SAMD4B: variants seen among roughly 807,000 people sequenced by gnomAD.
The protein encoded by SAMD4B is sterile alpha motif domain containing 4B.
In SAMD4B, 5 loss-of-function variants were observed where a neutral mutation model predicts 74.5. The observed-to-expected ratio is 0.07, with a 90% CI of 0.04 to 0.14. The LOEUF is 0.14. Ranked by LOEUF, SAMD4B falls within the 10% of genes least tolerant of loss-of-function variation. The probability of loss-of-function intolerance (pLI) is 1.00; values close to 1 mark genes in which losing one functional copy is unlikely to be tolerated. For missense variants in SAMD4B, 608 were observed against 921.8 expected (o/e 0.66, Z 4.41); for synonymous variants, 373 against 374.9 (o/e 1.00, Z 0.06).
chr19:39,385,856 G>T, downstream of SAMD4B: 1 of 1,326,784 alleles, frequency 7.5e-7, no homozygotes, highest in South Asian at 1.4e-5. Context: ...GGGAAGTAAA[G>T]AGAAGTTGAC....
At position 39,362,690 on chromosome 19, in the gene SAMD4B, G is replaced by A. The variant is rs373394869; in HGVS notation, c.196+5601G>A. Among the ~76,000 whole-genome samples the A allele has an allele frequency of 2.6e-4, 39 of 152,204 alleles. 1 individual carries two copies. In the South Asian group the frequency reaches 8.1e-3, roughly 32 times the overall value. Reference sequence around the variant, plus strand: ...CTTGGACCAGAAGGCTGTTCCTATGGACAGGAGGAAGGAGACTAGGGGGGT... The same window carrying A: ...CTTGGACCAGAAGGCTGTTCCTATGAACAGGAGGAAGGAGACTAGGGGGGT... On this transcript the variant is annotated intron_variant, in intron 3 of 13. Transcript: ENST00000610417.
At chr19:39,350,203 A>G (rs1360779485) in intron 1 of SAMD4B, 1 of 152,198 alleles carries the variant, frequency 6.6e-6, no homozygotes, top group Admixed American at 6.5e-5. Context: ...GGAGGAAAAA[A>G]GCATCATGCG....
intron 4 of SAMD4B, among the ~76,000 whole-genome samples, chr19:39,374,815 T>A (rs962249206): frequency 1.3e-5 from 2 of 152,172 alleles, no homozygotes; most frequent in African/African-American, 4.8e-5. Flanking sequence ...CACTCTGGCC[T>A]AGTGACAGAG....
Position 39,384,423 on chromosome 19 carries a change from A to C in SAMD4B, c.*896A>C, listed in dbSNP as rs2078180554. 1 of 152,630 alleles carries C rather than the reference A, an allele frequency of 6.6e-6. No individual in the cohort carries two copies. Among genetic ancestry groups the C allele is most frequent in the Admixed American group, 6.5e-5 (1 of 15,282 alleles). 9.5% of individuals were successfully genotyped at this position (152,630 alleles called of 1,614,324 possible). ...TTGCCTTAACGTCCCCTTCCCCACG[A>C]ACACACACCCTTCTCCGCTCCCAGG... On this transcript the variant is annotated 3_prime_UTR_variant, in exon 14 of 14. Transcript: ENST00000610417.
chr19:39,366,873 T>C (rs966178353), intron 3 of SAMD4B, among the ~76,000 whole-genome samples: 1 of 152,178 alleles, frequency 6.6e-6, no homozygotes, highest in Non-Finnish European at 1.5e-5. Flanking sequence ...ACTTTCCTTA[T>C]AGGTGCTTAT....
In SAMD4B at chr19:39,375,260, CAG is replaced by C. The variant is rs2145774146; in HGVS notation, c.668-389_668-388del. Among the ~76,000 whole-genome samples, 1 of 152,272 alleles carries C rather than the reference CAG, an allele frequency of 6.6e-6. No homozygotes were observed. Among genetic ancestry groups the C allele is most frequent in the South Asian group, 2.1e-4 (1 of 4,830 alleles). The stretch of plus-strand genomic sequence containing the variant: ...TTGTTCCCACTATGAAAGGAAGTCA[CAG>C]GGATTTGAGCAGGAGTCAGGCTCGG... On this transcript the variant is annotated intron_variant, in intron 4 of 13. Coordinates refer to ENST00000610417, the MANE Select transcript of SAMD4B (RefSeq NM_001384574.2). This position sits in a 1 kb window ranked among gnomAD's most constrained non-coding sequence, Gnocchi z 4.1.
downstream of SAMD4B, chr19:39,390,203 A>G: frequency 6.2e-7 from 1 of 1,612,250 alleles, no homozygotes; most frequent in Admixed American, 1.7e-5. Flanking sequence ...CCGCTGCCCC[A>G]CCTCTGCTCC....
chr19:39,370,508 T>G (rs1016945261), intron 4 of SAMD4B, among the ~76,000 whole-genome samples: 3 of 152,172 alleles, frequency 2.0e-5, no homozygotes, highest in African/African-American at 7.2e-5. Context: ...GAGCATGCCC[T>G]TTAGACCCTG....
chr19:39,375,555 G>T lies in SAMD4B; in HGVS notation c.668-95G>T. On this transcript the variant is annotated intron_variant, in intron 4 of 13. Transcript: ENST00000610417. The surrounding 1 kb of genome is among the most constrained non-coding windows in gnomAD (Gnocchi z 4.1). Reference sequence around the variant, plus strand: ...GTCCCTTCCTCTTGGCAGGTTATGGGGCCAAACTGCCATCCTGGCACTGAC... The same window carrying T: ...GTCCCTTCCTCTTGGCAGGTTATGGTGCCAAACTGCCATCCTGGCACTGAC... 1 of 1,500,426 alleles carries T rather than the reference G, an allele frequency of 6.7e-7. No homozygotes were observed. The highest frequency in any genetic ancestry group is 2.3e-5 in the East Asian group (1 of 43,656). The allele number at this position is 1,500,426 out of a possible 1,614,324, so 92.9% of individuals were successfully genotyped here. A position where few individuals can be genotyped will look rare whatever the true frequency, so the allele number is the denominator to read the frequency against.
chr19:39,367,121 G>T lies in SAMD4B; in HGVS notation c.197-2534G>T, dbSNP rs369794971. 5.3e-5 allele frequency among the ~76,000 whole-genome samples: 8 copies of T among 152,326 alleles called. No homozygotes were observed. In the East Asian group the frequency reaches 1.5e-3, roughly 29 times the overall value. On this transcript the variant is annotated intron_variant, in intron 3 of 13. Transcript: ENST00000610417. ...TAGAGAAAATAGAGCTCAGTGAAGT[G>T]ATCACACTTGCCCAGAGTCACATGG...
Position 39,359,118 on chromosome 19 carries a change from T to C in SAMD4B, c.196+2029T>C, listed in dbSNP as rs144979082. 4.6e-3 allele frequency among the ~76,000 whole-genome samples: 702 copies of C among 152,222 alleles called. 5 individuals carry two copies. The highest frequency in any genetic ancestry group is 0.016 in the African/African-American group (672 of 41,548). The stretch of plus-strand genomic sequence containing the variant: ...TCACCCCTGCCACACTCCCCACCAC[T>C]CTAACACTAAAGGCAGGAGTTCTGT... On this transcript the variant is annotated intron_variant, in intron 3 of 13. Transcript: ENST00000610417.
chr19:39,364,568 T>A (rs182847443), intron 3 of SAMD4B, among the ~76,000 whole-genome samples: 2,500 of 152,332 alleles, frequency 0.016, 59 homozygotes, highest in African/African-American at 0.056. Flanking sequence ...TATTTTTTTT[T>A]ATTTTCATTC....
chr19:39,380,038 C>A lies in SAMD4B; in HGVS notation c.1603C>A (p.Pro535Thr), dbSNP rs774014741. The change falls in exon 10 of 14, where the codon CCG becomes ACG. Residue 535 changes from proline (P) to threonine (T), a missense_variant. Around this residue, in one of 9 missense-constraint regions of SAMD4B, gnomAD observed 167 missense variants for 193.0 expected, o/e 0.87. Transcript: ENST00000610417. ...QQVLKLLRTF[P>T]RKAALEMQNY... The stretch of plus-strand genomic sequence containing the variant: ...AGTGCTGAAGCTCCTCCGGACATTC[C>A]CGCGCAAAGCCGCACTAGAGATGCA... 1 of 1,613,840 alleles carries A rather than the reference C, an allele frequency of 6.2e-7. No individual in the cohort carries two copies. The highest frequency in any genetic ancestry group is 2.2e-5 in the East Asian group (1 of 44,876).
intron 1 of SAMD4B, among the ~76,000 whole-genome samples, chr19:39,348,551 T>G (rs983642700): frequency 2.6e-5 from 4 of 152,058 alleles, no homozygotes; most frequent in African/African-American, 7.2e-5. Flanking sequence ...GGGTGAGGGT[T>G]GGAAAGGCTG....
At chr19:39,351,869 G>A (rs968562172) in intron 1 of SAMD4B, 7 of 152,206 alleles carry the variant, frequency 4.6e-5, no homozygotes, top group Non-Finnish European at 8.8e-5. Flanking sequence ...TTTACCCCAT[G>A]TCCACTTCTG....
Position 39,383,260 on chromosome 19 carries a change from G to C in SAMD4B, c.2025G>C (p.Leu675=). The C allele has an allele frequency of 6.2e-7, 1 of 1,614,118 alleles. No individual in the cohort carries two copies. The highest frequency in any genetic ancestry group is 1.1e-5 in the South Asian group (1 of 91,080). The change falls in exon 13 of 14, where the codon CTG becomes CTC. Residue 675 remains leucine (L), a synonymous_variant. Coordinates refer to ENST00000610417, the MANE Select transcript of SAMD4B (RefSeq NM_001384574.2). This position sits in a 1 kb window ranked among gnomAD's most constrained non-coding sequence, Gnocchi z 4.1. The part of the protein sequence containing the change: ...DLEINPTLES[L]CLSMTEHALG... ...AGATCAATCCCACTCTGGAGTCTCT[G>C]TGTCTGAGCATGACAGAACACGCCT...
intron 10 of SAMD4B, 74 bp downstream of exon 10, chr19:39,380,158 G>T (rs1478566232): frequency 2.6e-6 from 3 of 1,140,258 alleles, no homozygotes; most frequent in Non-Finnish European, 3.8e-6. Context: ...GCTTAGAGGG[G>T]TGATTGTGTT....
At chr19:39,371,704 T>C (rs1377786740) in intron 4 of SAMD4B, among the ~76,000 whole-genome samples, 1 of 151,716 alleles carries the variant, frequency 6.6e-6, no homozygotes, top group Non-Finnish European at 1.5e-5. Context: ...ATAATTCCAG[T>C]TACTCGGGGG....
At chr19:39,379,464 A>G (rs1343214571) in intron 9 of SAMD4B, among the ~76,000 whole-genome samples, 1 of 152,156 alleles carries the variant, frequency 6.6e-6, no homozygotes, top group Admixed American at 6.5e-5. Flanking sequence ...AATTTGTCAC[A>G]GTTATCATCA....
Sources: gnomAD v4.1 joint callset for allele counts (sites outside exome capture counted in the v4.1 genomes callset) on GRCh38, gnomAD v4.1.1 for gene constraint, gnomAD v4.1.1 regional missense constraint, Gnocchi (gnomAD v3.1) non-coding constraint, MANE v1.5 for transcripts, NCBI Gene and HGNC (gene_info 2026-07-23, HGNC 2026-07-21) for gene names.